PCED1B: variants seen among roughly 807,000 people sequenced by gnomAD.
PCED1B encodes the protein PC-esterase domain-containing protein 1B.
For synonymous variants in PCED1B, 251 were observed against 246.1 expected, an observed-to-expected ratio of 1.02 and a Z score of -0.19; for missense variants, 573 against 573.9, an observed-to-expected ratio of 1.00 and a Z score of 0.02.
At chr12:47,080,661 G>T (rs1937653412) in intron 1 of PCED1B, among the ~76,000 whole-genome samples, 1 of 152,312 alleles carries the variant, frequency 6.6e-6, no homozygotes, top group South Asian at 2.1e-4. Context: ...ATTCAAGAAG[G>T]AGGAGGGCAG....
At chr12:47,154,363 G>GGTTTT (rs1374803153) in intron 2 of PCED1B, among the ~76,000 whole-genome samples, 78 of 152,128 alleles carry the variant, frequency 5.1e-4, no homozygotes, top group African/African-American at 1.3e-3. Context: ...AGGGAGCTGG[G>GGTTTT]GTTTTGTTTT....
chr12:47,120,343 G>T (rs1269243526), intron 2 of PCED1B, among the ~76,000 whole-genome samples: 1 of 152,076 alleles, frequency 6.6e-6, no homozygotes, highest in African/African-American at 2.4e-5. Flanking sequence ...ATACTCAAGA[G>T]AAGTGAAAGC....
At chr12:47,093,536 A>G (rs945423705) in intron 1 of PCED1B, among the ~76,000 whole-genome samples, 5 of 151,882 alleles carry the variant, frequency 3.3e-5, no homozygotes, top group Non-Finnish European at 7.4e-5. Context: ...TTAACACTTA[A>G]ATCATTGATT....
At position 47,231,627 on chromosome 12, in the gene PCED1B, G is replaced by C. The variant is rs142226550; in HGVS notation, c.-57-3380G>C. On this transcript the variant is annotated intron_variant, in intron 3 of 3. Coordinates refer to ENST00000546455, the MANE Select transcript of PCED1B (RefSeq NM_138371.3). ...CAAGCATCTTCGCTCAAAAATATCT[G>C]TATCAGAGAGGCATATTTTGGACTT... is the stretch of plus-strand genomic sequence containing the variant. Among the ~76,000 whole-genome samples, 453 of 152,236 alleles carry C rather than the reference G, an allele frequency of 3.0e-3. 4 individuals carry two copies. Among genetic ancestry groups the C allele is most frequent in the African/African-American group, 0.01 (424 of 41,536 alleles).
At chr12:47,233,598 T>C (rs1393884653) in intron 3 of PCED1B, among the ~76,000 whole-genome samples, 1 of 152,196 alleles carries the variant, frequency 6.6e-6, no homozygotes, top group Non-Finnish European at 1.5e-5. Flanking sequence ...TGAAAAATCA[T>C]CTTGGTGTCC....
At chr12:47,115,653 A>G (rs1772295223) in intron 2 of PCED1B, among the ~76,000 whole-genome samples, 1 of 152,184 alleles carries the variant, frequency 6.6e-6, no homozygotes, top group Non-Finnish European at 1.5e-5. Flanking sequence ...AAAAGGTGAT[A>G]TGTAGTCTCC....
At chr12:47,202,551 CAG>C (rs1325017588) in intron 2 of PCED1B, among the ~76,000 whole-genome samples, 1 of 144,634 alleles carries the variant, frequency 6.9e-6, no homozygotes, top group Non-Finnish European at 1.5e-5. Flanking sequence ...CCCTGATTCC[CAG>C]ATATTTGCCT....
intron 2 of PCED1B, among the ~76,000 whole-genome samples, chr12:47,170,432 G>A (rs1941689336): frequency 6.6e-6 from 1 of 152,154 alleles, no homozygotes; most frequent in African/African-American, 2.4e-5. Flanking sequence ...GGTGGCGGCT[G>A]GGCAGAGGGG....
At chr12:47,186,226 G>A (rs10785662) in intron 2 of PCED1B, among the ~76,000 whole-genome samples, 1,070 of 34,610 alleles carry the variant, frequency 0.031, 171 homozygotes, top group Middle Eastern at 0.071. Flanking sequence ...TAAAAAAAAA[G>A]AAAAAAAAAA....
At chr12:47,228,131 C>T (rs935881668) in intron 3 of PCED1B, among the ~76,000 whole-genome samples, 4 of 151,238 alleles carry the variant, frequency 2.6e-5, no homozygotes, top group Non-Finnish European at 4.4e-5. Context: ...CCTTTCTGGA[C>T]TCAAGCAATT....
At chr12:47,162,122 G>C (rs554040705) in intron 2 of PCED1B, among the ~76,000 whole-genome samples, 3 of 146,070 alleles carry the variant, frequency 2.1e-5, no homozygotes, top group Admixed American at 6.7e-5. Context: ...GTGGGGTGGT[G>C]GGGGGGGGAA....
chr12:47,217,504 G>GAAAGA (rs1565608117), intron 3 of PCED1B, among the ~76,000 whole-genome samples: 1 of 135,210 alleles, frequency 7.4e-6, no homozygotes, highest in Non-Finnish European at 1.6e-5. Flanking sequence ...AAGAAAGAAA[G>GAAAGA]AAAGAAAGAA....
chr12:47,143,162 T>A (rs1940657560), intron 2 of PCED1B, among the ~76,000 whole-genome samples: 1 of 152,078 alleles, frequency 6.6e-6, no homozygotes, highest in Non-Finnish European at 1.5e-5. Context: ...AAGGCAAGGA[T>A]GGACACCCAT....
At chr12:47,166,912 C>G (rs180989623) in intron 2 of PCED1B, among the ~76,000 whole-genome samples, 44 of 152,106 alleles carry the variant, frequency 2.9e-4, no homozygotes, top group Admixed American at 2.7e-3. Flanking sequence ...TACGTAACAC[C>G]AGAGTTTATA....
At chr12:47,144,080 C>T (rs908581984) in intron 2 of PCED1B, among the ~76,000 whole-genome samples, 2 of 152,162 alleles carry the variant, frequency 1.3e-5, no homozygotes, top group Non-Finnish European at 2.9e-5. Flanking sequence ...ACCATGCCCC[C>T]ACAGCTCTTG....
chr12:47,136,172 G>A lies in PCED1B; in HGVS notation c.-526+31977G>A, dbSNP rs1204395810. The stretch of plus-strand genomic sequence containing the variant: ...TATAATCATCTTTCACATACTTCTT[G>A]CCCATTTGTACTTTTGCTCTGTAAG... On this transcript the variant is annotated intron_variant, in intron 2 of 3. Transcript: ENST00000546455. Among the ~76,000 whole-genome samples the A allele has an allele frequency of 3.2e-5, 4 of 126,826 alleles. No individual in the cohort carries two copies. The Admixed American group carries it at 3.6e-4, about 11-fold the overall frequency. 83.2% of individuals were successfully genotyped at this position (126,826 alleles called of 152,430 possible). A position where few individuals can be genotyped will look rare whatever the true frequency, so the allele number is the denominator to read the frequency against.
intron 2 of PCED1B, among the ~76,000 whole-genome samples, chr12:47,167,141 T>C (rs1941569942): frequency 1.3e-5 from 2 of 152,212 alleles, no homozygotes; most frequent in African/African-American, 4.8e-5. Flanking sequence ...GAGATATCTT[T>C]AAAGATGGAA....
chr12:47,193,503 G>T (rs890374158), intron 2 of PCED1B, among the ~76,000 whole-genome samples: 9 of 151,806 alleles, frequency 5.9e-5, no homozygotes, highest in African/African-American at 2.2e-4. Flanking sequence ...GCCTTCACTC[G>T]CCTGGATTAC....
intron 1 of PCED1B, among the ~76,000 whole-genome samples, chr12:47,102,437 C>T (rs2137224072): frequency 6.6e-6 from 1 of 152,334 alleles, no homozygotes; most frequent in East Asian, 1.9e-4. Flanking sequence ...CCCTCTACCC[C>T]AGTACTGTGT....
Sources: allele counts gnomAD v4.1 joint callset (sites outside exome capture counted in the v4.1 genomes callset), GRCh38; gene constraint gnomAD v4.1.1; transcripts MANE v1.5; gene names NCBI Gene and HGNC (gene_info 2026-07-23, HGNC 2026-07-21).